The following ESD variants were observed in gnomAD, a reference collection of about 807,000 sequenced individuals.
ESD encodes esterase D, also known as S-formylglutathione hydrolase.
In ESD, 34 loss-of-function variants were observed where a neutral mutation model predicts 38.1. The ratio of observed to expected loss-of-function variants is 0.89; its 90% confidence interval spans 0.68 to 1.19. The LOEUF (loss-of-function observed/expected upper bound fraction) is 1.19. ESD is among the 50% of genes most tolerant of loss of function. The pLI is 0.00. For missense variants in ESD, 334 were observed against 327.2 expected (o/e 1.02, Z -0.16); for synonymous variants, 97 against 107.0 (o/e 0.91, Z 0.58).
intron 3 of ESD, among the ~76,000 whole-genome samples, chr13:46,789,565 G>A (rs932128844): frequency 1.4e-4 from 21 of 151,704 alleles, no homozygotes; most frequent in African/African-American, 5.1e-4. Flanking sequence ...TTTAAATCTG[G>A]CAACTTCAGT....
chr13:46,797,039 G>T (rs1328305487), intron 1 of ESD, 66 bp downstream of exon 1: 1 of 152,366 alleles, frequency 6.6e-6, no homozygotes, highest in Non-Finnish European at 1.5e-5. Context: ...CCCCGATCAC[G>T]CCTAGCCGTG....
At chr13:46,790,020 T>TG (rs58130728) in intron 3 of ESD, among the ~76,000 whole-genome samples, 1 of 149,734 alleles carries the variant, frequency 6.7e-6, no homozygotes, top group Non-Finnish European at 1.5e-5. Flanking sequence ...TTTTTTTTTT[T>TG]CAGTAGAGAC....
At chr13:46,786,897 A>G (rs2138298430) in intron 4 of ESD, 124 bp downstream of exon 4, 1 of 455,554 alleles carries the variant, frequency 2.2e-6, no homozygotes, top group East Asian at 3.2e-5. Context: ...GTAGACTATG[A>G]CAGGTCCTTA....
chr13:46,792,790 T>C (rs1875442570), intron 2 of ESD, among the ~76,000 whole-genome samples: 1 of 152,030 alleles, frequency 6.6e-6, no homozygotes. Flanking sequence ...AACAATCCTA[T>C]CTTAAATAAT....
intron 9 of ESD, 88 bp downstream of exon 9, chr13:46,777,368 T>C (rs1454247760): frequency 1.2e-5 from 13 of 1,071,104 alleles, no homozygotes; most frequent in African/African-American, 1.6e-5. Context: ...GCATTTTATA[T>C]TCTAAAATAA....
intron 9 of ESD, among the ~76,000 whole-genome samples, chr13:46,773,237 T>C (rs1435963718): frequency 6.6e-6 from 1 of 152,192 alleles, no homozygotes; most frequent in Admixed American, 6.5e-5. Context: ...AACAGAATGA[T>C]TTATATTCCT....
intron 8 of ESD, among the ~76,000 whole-genome samples, chr13:46,779,705 T>TTATA (rs1005655413): frequency 2.4e-4 from 34 of 143,400 alleles, no homozygotes; most frequent in African/African-American, 7.8e-4. Context: ...TTTTGTTGAT[T>TTATA]TATATATATA....
chr13:46,789,055 A>G (rs1252893912), intron 3 of ESD, among the ~76,000 whole-genome samples: 1 of 152,172 alleles, frequency 6.6e-6, no homozygotes, highest in Non-Finnish European at 1.5e-5. Context: ...AAGTTTTATT[A>G]ATTAGCTAAT....
intron 9 of ESD, among the ~76,000 whole-genome samples, chr13:46,771,908 C>T (rs1473963990): frequency 6.6e-6 from 1 of 152,018 alleles, no homozygotes; most frequent in African/African-American, 2.4e-5. Context: ...TGATATGACA[C>T]TGTCATATCA....
chr13:46,772,877 G>A (rs566082250), intron 9 of ESD, among the ~76,000 whole-genome samples: 1 of 152,168 alleles, frequency 6.6e-6, no homozygotes, highest in Admixed American at 6.5e-5. Context: ...GTAGAGACGG[G>A]GTTTCGCCAT....
chr13:46,789,376 C>A (rs1167291911), intron 3 of ESD, among the ~76,000 whole-genome samples: 1 of 152,212 alleles, frequency 6.6e-6, no homozygotes, highest in East Asian at 1.9e-4. Flanking sequence ...ATCCTGAAAG[C>A]ACTGCTGCTC....
upstream of ESD, among the ~76,000 whole-genome samples, chr13:46,797,483 A>G (rs1293587946): frequency 6.6e-6 from 1 of 152,210 alleles, no homozygotes; most frequent in African/African-American, 2.4e-5. Flanking sequence ...GGCATTAATA[A>G]ACTTGAGATG....
chr13:46,790,746 C>T (rs1875368620), intron 3 of ESD: 1 of 152,154 alleles, frequency 6.6e-6, no homozygotes, highest in African/African-American at 2.4e-5. Flanking sequence ...CCTCCAATTA[C>T]TATGGCTTTA....
intron 2 of ESD, among the ~76,000 whole-genome samples, chr13:46,791,890 A>G (rs985296072): frequency 2.6e-5 from 4 of 152,010 alleles, no homozygotes; most frequent in African/African-American, 9.7e-5. Flanking sequence ...ACATTACTGA[A>G]CACTTACGGT....
At position 46,782,698 on chromosome 13, in the gene ESD, T is replaced by C; in HGVS notation, c.350A>G (p.Asn117Ser). ...TGTGACATAAGAGTACATTCTGTAG[T>C]TGGTTTTCCAAGGATCTTCAGTGGC... is the stretch of plus-strand genomic sequence containing the variant. The part of the protein sequence containing the change: ...VDATEDPWKT[N>S]YRMYSYVTEE... The change falls in exon 6 of 10, where the codon AAC becomes AGC. Residue 117 changes from asparagine (N) to serine (S), a missense_variant. Physicochemically the swap from Asn to Ser is conservative, Grantham distance 46. Transcript: ENST00000378720. The C allele has an allele frequency of 3.7e-6, 6 of 1,612,272 alleles. No individual in the cohort carries two copies. Among genetic ancestry groups the C allele is most frequent in the Non-Finnish European group, 5.1e-6 (6 of 1,178,822 alleles).
chr13:46,778,257 C>T (rs905155512), intron 8 of ESD, among the ~76,000 whole-genome samples: 3 of 151,944 alleles, frequency 2.0e-5, no homozygotes, highest in Admixed American at 1.3e-4. Flanking sequence ...TTATCATCCA[C>T]CTCGAAATAT....
intron 3 of ESD, among the ~76,000 whole-genome samples, chr13:46,790,012 T>A (rs1362298231): frequency 1.4e-5 from 2 of 147,790 alleles, no homozygotes; most frequent in African/African-American, 2.5e-5. Flanking sequence ...ATATATATTT[T>A]TTTTTTTTCA....
chr13:46,779,041 A>G (rs554169348), intron 8 of ESD, among the ~76,000 whole-genome samples: 1 of 151,716 alleles, frequency 6.6e-6, no homozygotes, highest in Non-Finnish European at 1.5e-5. Flanking sequence ...ACACATCATG[A>G]TGAGTTCATT....
chr13:46,779,407 T>C (rs1874917548), intron 8 of ESD, among the ~76,000 whole-genome samples: 1 of 151,554 alleles, frequency 6.6e-6, no homozygotes, highest in Non-Finnish European at 1.5e-5. Context: ...AAATCCAAAA[T>C]CAGAAATGCT....
Sources: gnomAD v4.1 joint callset for allele counts (sites outside exome capture counted in the v4.1 genomes callset) on GRCh38, gnomAD v4.1.1 for gene constraint, MANE v1.5 for transcripts, NCBI Gene and HGNC (gene_info 2026-07-23, HGNC 2026-07-21) for gene names.